Variants in TGM2 observed in about 807,000 individuals in gnomAD.
TGM2 encodes protein-glutamine gamma-glutamyltransferase 2.
A neutral mutation model predicts 75.6 loss-of-function variants in TGM2; 53 were observed. The ratio of observed to expected loss-of-function variants is 0.70; its 90% CI spans 0.56 to 0.88. TGM2 has a LOEUF of 0.88. Ranked by LOEUF, TGM2 falls within the 40% of genes least tolerant of loss-of-function variation. The pLI is 0.00. For missense variants in TGM2, 842 were observed against 928.5 expected (o/e 0.91, Z 1.21); for synonymous variants, 374 against 381.1 (o/e 0.98, Z 0.22).
At chr20:38,167,407 G>C (rs2075320476), upstream of TGM2, among the ~76,000 whole-genome samples, 2 of 152,170 alleles carry the variant, frequency 1.3e-5, no homozygotes, top group Non-Finnish European at 2.9e-5. Flanking sequence ...TGTGATCTTT[G>C]CTCACTGCAG....
intron 10 of TGM2, chr20:38,133,526 G>C (rs1028534439): frequency 1.3e-5 from 2 of 152,752 alleles, no homozygotes; most frequent in African/African-American, 4.8e-5. Context: ...AGAACACTGA[G>C]GCTGGAGGAC....
At chr20:38,156,199 C>A in intron 2 of TGM2, 110 bp from the exon 3 acceptor site, 1 of 1,353,310 alleles carries the variant, frequency 7.4e-7, no homozygotes, top group Admixed American at 2.2e-5. Flanking sequence ...TGCCACTAAC[C>A]ACTGAAATAA....
At chr20:38,141,095 G>A (rs772380287) in intron 8 of TGM2, among the ~76,000 whole-genome samples, 187 bp downstream of exon 8, 11 of 152,172 alleles carry the variant, frequency 7.2e-5, no homozygotes, top group Non-Finnish European at 1.6e-4. Context: ...CGCAATGCAC[G>A]TGAATTATTT....
At chr20:38,156,618 C>A (rs557813549) in intron 2 of TGM2, among the ~76,000 whole-genome samples, 1 of 152,248 alleles carries the variant, frequency 6.6e-6, no homozygotes, top group Non-Finnish European at 1.5e-5. Flanking sequence ...TGTAGGCCAG[C>A]GGAGGATGCT....
At chr20:38,149,678 CA>C (rs1199376180) in intron 4 of TGM2, among the ~76,000 whole-genome samples, 2,936 of 40,478 alleles carry the variant, frequency 0.073, 69 homozygotes, top group African/African-American at 0.17. Context: ...GACTCCGCCT[CA>C]AAAAAAAAAA....
intron 10 of TGM2, among the ~76,000 whole-genome samples, chr20:38,135,426 CACACACAT>C (rs1322476538): frequency 6.6e-6 from 1 of 151,756 alleles, no homozygotes; most frequent in African/African-American, 2.4e-5. Context: ...CACACACACA[CACACACAT>C]ACACACACAC....
chr20:38,137,727 G>C (rs762373185), intron 10 of TGM2, among the ~76,000 whole-genome samples: 3 of 152,204 alleles, frequency 2.0e-5, no homozygotes, highest in Non-Finnish European at 4.4e-5. Context: ...TGAGGGGCTG[G>C]AGACAGTGGA....
At chr20:38,166,514 C>G (rs45555040), upstream of TGM2, 1,811 of 152,362 alleles carry the variant, frequency 0.012, 15 homozygotes, top group Non-Finnish European at 0.017. Context: ...ACTGTGAGCC[C>G]TGAGCGGGAA....
chr20:38,142,799 T>C (rs751668270), intron 6 of TGM2, among the ~76,000 whole-genome samples: 4 of 152,236 alleles, frequency 2.6e-5, no homozygotes, highest in Non-Finnish European at 4.4e-5. Flanking sequence ...GCCAGTGCCC[T>C]GGCCATGGCC....
intron 3 of TGM2, among the ~76,000 whole-genome samples, chr20:38,155,112 C>A (rs1307360306): frequency 1.3e-5 from 2 of 151,810 alleles, no homozygotes; most frequent in Non-Finnish European, 2.9e-5. Flanking sequence ...GTCTCAAAAA[C>A]AAAACAAAAC....
In TGM2 at chr20:38,130,387, G is replaced by A. The variant is rs759541794; in HGVS notation, c.1914-18C>T. The A allele has an allele frequency of 1.9e-6, 3 of 1,575,220 alleles. No homozygotes were observed. Among genetic ancestry groups the A allele is most frequent in the Non-Finnish European group, 1.7e-6 (2 of 1,160,236 alleles). On this transcript the variant is annotated intron_variant, in intron 12 of 12. Transcript: ENST00000361475. ...GGTCTGGGCTGCAGGGAGAGAGGGG[G>A]TGGTGAGGAAAGGGGCCCAAGGCCT...
chr20:38,146,877 G>C lies in TGM2; in HGVS notation c.699C>G (p.Asp233Glu), dbSNP rs748934635. 6.2e-7 allele frequency: 1 copy of C among 1,613,462 alleles called. No individual in the cohort carries two copies. The highest frequency in any genetic ancestry group is 2.2e-5 in the East Asian group (1 of 44,876). The part of the protein sequence containing the change: ...VVSGMVNCND[D>E]QGVLLGRWDN... ...CCCAGCGTCCCAGCAGCACACCCTG[G>C]TCATCGTTGCAGTTGACCTGCAACC... Residue 233 changes from aspartate to glutamate, a missense_variant, in exon 6 of 13, where the codon GAC (aspartate) becomes GAG (glutamate). Transcript: ENST00000361475.
At chr20:38,155,562 C>T (rs768053817) in intron 3 of TGM2, among the ~76,000 whole-genome samples, 1 of 152,116 alleles carries the variant, frequency 6.6e-6, no homozygotes, top group Non-Finnish European at 1.5e-5. Context: ...CCAGGCTGGT[C>T]TTTAACTCCT....
intron 10 of TGM2, among the ~76,000 whole-genome samples, chr20:38,136,182 G>A (rs1379746941): frequency 1.3e-5 from 2 of 152,182 alleles, no homozygotes; most frequent in Non-Finnish European, 2.9e-5. Context: ...AGCTCCAGGA[G>A]TGCCCACGGT....
upstream of TGM2, among the ~76,000 whole-genome samples, chr20:38,165,671 A>AACACACACAC (rs71833660): frequency 9.8e-5 from 14 of 143,226 alleles, no homozygotes; most frequent in Non-Finnish European, 1.2e-4. Context: ...CCCCACCCCC[A>AACACACACAC]ACACACACAC....
intron 1 of TGM2, among the ~76,000 whole-genome samples, chr20:38,163,861 C>T (rs555486044): frequency 1.3e-5 from 2 of 152,332 alleles, no homozygotes; most frequent in South Asian, 2.1e-4. Flanking sequence ...CCTGGAGATA[C>T]GGCCAGTCCC....
intron 3 of TGM2, among the ~76,000 whole-genome samples, chr20:38,153,438 T>A (rs1389241613): frequency 6.7e-6 from 1 of 149,344 alleles, no homozygotes; most frequent in African/African-American, 2.5e-5. Context: ...GGCATGAGAA[T>A]CATTTCAACC....
chr20:38,151,013 C>G lies in TGM2; in HGVS notation c.478G>C (p.Val160Leu). 6.2e-7 allele frequency: 1 copy of G among 1,614,150 alleles called. No homozygotes were observed. Among genetic ancestry groups the G allele is most frequent in the Non-Finnish European group, 8.5e-7 (1 of 1,180,018 alleles). Residue 160 changes from valine to leucine, a missense_variant, in exon 4 of 13, where the codon GTC becomes CTC. Val to Leu is a conservative substitution (Grantham distance 32). Coordinates refer to ENST00000361475, the MANE Select transcript of TGM2 (RefSeq NM_004613.4). ...LDSEEERQEYVLTQQGFIYQG... is the reference protein window; with the variant it reads ...LDSEEERQEYLLTQQGFIYQG... ...TAGATAAAGCCCTGCTGGGTGAGGA[C>G]ATACTCCTGCCGCTCCTCTTCCGAG...
upstream of TGM2, chr20:38,166,571 T>C (rs2075311558): frequency 6.6e-6 from 1 of 152,228 alleles, no homozygotes; most frequent in Non-Finnish European, 1.5e-5. Context: ...TGGCACTTTT[T>C]CCAAAACAAG....
Sources: allele counts gnomAD v4.1 joint callset (sites outside exome capture counted in the v4.1 genomes callset), GRCh38; gene constraint gnomAD v4.1.1; transcripts MANE v1.5; gene names NCBI Gene and HGNC (gene_info 2026-07-23, HGNC 2026-07-21).